Variants in LARGE1 observed in about 807,000 individuals in gnomAD.
LARGE1 encodes the protein xylosyl- and glucuronyltransferase LARGE1.
In LARGE1, 43 loss-of-function variants were observed where a neutral mutation model predicts 87.6. The observed-to-expected ratio is 0.49, with a 90% CI of 0.38 to 0.63. The LOEUF is 0.63. Among genes scored for constraint, LARGE1 ranks in the 30% least tolerant of loss-of-function variants. The pLI is 0.00. For synonymous variants in LARGE1, 434 were observed against 394.6 expected, an observed-to-expected ratio of 1.10 and a Z score of -1.18; for missense variants, 802 against 1,000.2, an observed-to-expected ratio of 0.80 and a Z score of 2.67.
chr22:33,714,332 A>C (rs886115221), intron 2 of LARGE1, among the ~76,000 whole-genome samples: 2 of 152,230 alleles, frequency 1.3e-5, no homozygotes, highest in African/African-American at 4.8e-5. Flanking sequence ...CTCTAGAGGC[A>C]GATAAGGCTG....
At chr22:33,155,292 A>T in the LARGE1 span, among the ~76,000 whole-genome samples, 1 of 152,184 alleles carries the variant, frequency 6.6e-6, no homozygotes, top group Non-Finnish European at 1.5e-5. Flanking sequence ...AGAAGAAGAG[A>T]GGAAAATGTG....
chr22:33,091,324 G>A, the LARGE1 span, among the ~76,000 whole-genome samples: 1 of 152,144 alleles, frequency 6.6e-6, no homozygotes, highest in Non-Finnish European at 1.5e-5. Context: ...ACTTTGGGAG[G>A]CCGAGGTGGG....
chr22:33,529,390 T>C (rs1569241843), intron 6 of LARGE1, among the ~76,000 whole-genome samples: 1 of 152,210 alleles, frequency 6.6e-6, no homozygotes. Flanking sequence ...TTTACTGTGG[T>C]TGCCCCATTA....
chr22:33,536,894 C>A (rs932557190), intron 6 of LARGE1, among the ~76,000 whole-genome samples: 1 of 152,250 alleles, frequency 6.6e-6, no homozygotes, highest in South Asian at 2.1e-4. Flanking sequence ...TCACTACAAC[C>A]TCTGCCTCCC....
intron 1 of LARGE1, among the ~76,000 whole-genome samples, chr22:33,823,326 CT>C (rs1244465927): frequency 6.6e-6 from 1 of 152,146 alleles, no homozygotes; most frequent in Non-Finnish European, 1.5e-5. Flanking sequence ...TTAATGCTGG[CT>C]TCCTTGCCTG....
rs185933849 is a variant in LARGE1 at position 33,868,911 on chromosome 22, G to A, written c.-83+51084C>T. Among the ~76,000 whole-genome samples the A allele has an allele frequency of 7.4e-4, 112 of 152,278 alleles. 1 individual carries two copies. The East Asian group carries it at 0.017, about 23-fold the overall frequency. ...GATTCACGGCAAAACTAAATGGGCA[G>A]CCACTAGTACTTCAACAGAATTCTA... On this transcript the variant is annotated intron_variant, in intron 1 of 14. Coordinates refer to ENST00000397394, the MANE Select transcript of LARGE1 (RefSeq NM_133642.5).
chr22:33,504,056 A>T (rs1280481905), intron 6 of LARGE1, among the ~76,000 whole-genome samples: 1 of 152,186 alleles, frequency 6.6e-6, no homozygotes, highest in Non-Finnish European at 1.5e-5. Context: ...CTTTTACAGG[A>T]AGTGCTTACA....
chr22:33,646,939 G>A (rs751431413), intron 3 of LARGE1, among the ~76,000 whole-genome samples: 11 of 152,196 alleles, frequency 7.2e-5, no homozygotes, highest in Non-Finnish European at 1.5e-4. Flanking sequence ...ATGTTGGCCA[G>A]GCTGGTCTGA....
Position 33,292,169 on chromosome 22 carries a change from C to A in LARGE1, c.1731-8821G>T, listed in dbSNP as rs184341830. On this transcript the variant is annotated intron_variant, in intron 12 of 14. Transcript: ENST00000397394. The stretch of plus-strand genomic sequence containing the variant: ...AGCAGAGAGCAGCCCTCCCAGACAA[C>A]GAATCTGCCACCAAGTTTGTTCTGA... Among the ~76,000 whole-genome samples the A allele has an allele frequency of 7.9e-5, 12 of 152,228 alleles. No individual in the cohort carries two copies. In the East Asian group the frequency reaches 2.3e-3, roughly 29 times the overall value.
chr22:33,831,444 G>A (rs2062965641), intron 1 of LARGE1, among the ~76,000 whole-genome samples: 1 of 152,138 alleles, frequency 6.6e-6, no homozygotes, highest in Admixed American at 6.5e-5. Context: ...GATGTCAGGT[G>A]AGAGGGCGGG....
intron 6 of LARGE1, among the ~76,000 whole-genome samples, chr22:33,448,604 C>T (rs553018038): frequency 6.6e-6 from 1 of 152,256 alleles, no homozygotes; most frequent in South Asian, 2.1e-4. Flanking sequence ...GCATCTCAGA[C>T]TTTAAGGTGT....
the LARGE1 span, among the ~76,000 whole-genome samples, chr22:33,113,075 G>A: frequency 6.6e-6 from 1 of 152,100 alleles, no homozygotes; most frequent in East Asian, 1.9e-4. Flanking sequence ...ATGTTTTGTT[G>A]TTTTTGTAGG....
chr22:33,565,583 C>A (rs533925541), intron 5 of LARGE1, among the ~76,000 whole-genome samples: 1 of 150,402 alleles, frequency 6.6e-6, no homozygotes, highest in African/African-American at 2.4e-5. Flanking sequence ...AGTCATCACG[C>A]GACACTCTTC....
intron 7 of LARGE1, among the ~76,000 whole-genome samples, chr22:33,384,920 C>T (rs963218848): frequency 6.7e-6 from 1 of 148,700 alleles, no homozygotes; most frequent in Admixed American, 6.7e-5. Flanking sequence ...ACGATGTATA[C>T]CATTTATCCG....
At chr22:33,400,740 T>A (rs1333490838) in intron 7 of LARGE1, among the ~76,000 whole-genome samples, 1 of 152,202 alleles carries the variant, frequency 6.6e-6, no homozygotes, top group African/African-American at 2.4e-5. Context: ...TGAGTCTGCA[T>A]GGAAGGGCAC....
chr22:33,729,220 T>C lies in LARGE1; in HGVS notation c.106+32151A>G, dbSNP rs147440803. ...AAAGTGCAGATTAAGCAAAAGGCAATATGCAATGGGGAAAGGAATTGGGAA... is the reference window on the plus strand; with the variant it reads ...AAAGTGCAGATTAAGCAAAAGGCAACATGCAATGGGGAAAGGAATTGGGAA... On this transcript the variant is annotated intron_variant, in intron 2 of 14. Transcript: ENST00000397394. Among the ~76,000 whole-genome samples the C allele has an allele frequency of 2.1e-3, 324 of 152,148 alleles. 2 individuals are homozygous for C. Among genetic ancestry groups the C allele is most frequent in the African/African-American group, 7.3e-3 (302 of 41,494 alleles).
At chr22:33,729,907 G>C (rs2083398768) in intron 2 of LARGE1, among the ~76,000 whole-genome samples, 1 of 152,214 alleles carries the variant, frequency 6.6e-6, no homozygotes, top group African/African-American at 2.4e-5. Flanking sequence ...TAAGATGCCA[G>C]GCATGAGTCT....
intron 1 of LARGE1, among the ~76,000 whole-genome samples, chr22:33,897,797 G>A (rs866231093): frequency 2.6e-5 from 4 of 152,160 alleles, no homozygotes; most frequent in South Asian, 4.2e-4. Context: ...GGGGGATTAC[G>A]AGGCTGTTTT....
intron 1 of LARGE1, among the ~76,000 whole-genome samples, chr22:33,907,654 G>T (rs938941128): frequency 6.6e-6 from 1 of 151,328 alleles, no homozygotes; most frequent in Non-Finnish European, 1.5e-5. Context: ...TGCAACCTCC[G>T]CCTCCCGGGT....
Sources: allele counts gnomAD v4.1 joint callset (sites outside exome capture counted in the v4.1 genomes callset), GRCh38; gene constraint gnomAD v4.1.1; transcripts MANE v1.5; gene names NCBI Gene and HGNC (gene_info 2026-07-23, HGNC 2026-07-21).